The following TENM3 variants were observed in gnomAD, a reference collection of about 807,000 sequenced individuals.
The protein encoded by TENM3 is teneurin transmembrane protein 3.
Under a neutral mutation model 255.1 loss-of-function variants are expected in TENM3, and 63 were observed. That is an observed-to-expected ratio of 0.25 (90% CI 0.20 to 0.30). TENM3 has a LOEUF of 0.30. TENM3 is among the 10% of genes least tolerant of loss of function. The pLI is 1.00. For missense variants in TENM3, 2,929 were observed against 3,461.1 expected (o/e 0.85, Z 3.86); for synonymous variants, 1,306 against 1,322.3 (o/e 0.99, Z 0.27).
the TENM3 span, among the ~76,000 whole-genome samples, chr4:181,695,696 C>T: frequency 6.6e-6 from 1 of 152,114 alleles, no homozygotes; most frequent in African/African-American, 2.4e-5. Context: ...GAAAGTCTTC[C>T]AACTTCTAAG....
rs750652412 is a variant in TENM3 at position 182,324,194 on chromosome 4, T to C, written c.174T>C (p.Leu58=). The change falls in exon 2 of 28, where the codon CTT becomes CTC. Residue 58 remains leucine (L), a synonymous_variant. Coordinates refer to ENST00000511685, the MANE Select transcript of TENM3 (RefSeq NM_001080477.4). Reference sequence around the variant, plus strand: ...TTGATCATGATTCCTCGCGGCTGCTTTACGGCAACAGAGTGAAGGATTTGG... The same window carrying C: ...TTGATCATGATTCCTCGCGGCTGCTCTACGGCAACAGAGTGAAGGATTTGG... ...KAFDHDSSRL[L]YGNRVKDLVH... The C allele has an allele frequency of 1.2e-6, 2 of 1,613,968 alleles. No individual in the cohort carries two copies. Among genetic ancestry groups the C allele is most frequent in the African/African-American group, 2.7e-5 (2 of 75,028 alleles).
chr4:182,044,894 T>G, the TENM3 span, among the ~76,000 whole-genome samples: 20 of 152,286 alleles, frequency 1.3e-4, no homozygotes, highest in South Asian at 4.1e-3. Flanking sequence ...AGCTGATATA[T>G]CACTATCTAG....
chr4:182,746,342 T>G (rs1762010467), intron 19 of TENM3, among the ~76,000 whole-genome samples: 1 of 152,180 alleles, frequency 6.6e-6, no homozygotes. Flanking sequence ...AAATGAAGTC[T>G]GCTTAAATAG....
the TENM3 span, among the ~76,000 whole-genome samples, chr4:181,802,105 A>G: frequency 1.3e-5 from 2 of 152,154 alleles, no homozygotes; most frequent in African/African-American, 2.4e-5. Flanking sequence ...TTGTAAAATT[A>G]TGGCACAAAT....
chr4:182,459,745 G>A (rs892507726), intron 3 of TENM3, among the ~76,000 whole-genome samples: 11 of 151,864 alleles, frequency 7.2e-5, no homozygotes, highest in South Asian at 2.1e-4. Context: ...ATAAACACCC[G>A]ATTTATTCAA....
chr4:181,513,694 TA>T, the TENM3 span, among the ~76,000 whole-genome samples: 2 of 152,220 alleles, frequency 1.3e-5, no homozygotes, highest in Non-Finnish European at 2.9e-5. Flanking sequence ...ATGAGCTTTT[TA>T]TTGAAAAAGA....
the TENM3 span, among the ~76,000 whole-genome samples, chr4:181,664,569 C>T: frequency 6.6e-6 from 1 of 152,122 alleles, no homozygotes; most frequent in African/African-American, 2.4e-5. Context: ...AGAACGATAA[C>T]CCGACGTGTT....
At chr4:181,985,576 A>T in the TENM3 span, among the ~76,000 whole-genome samples, 1 of 152,130 alleles carries the variant, frequency 6.6e-6, no homozygotes, top group Non-Finnish European at 1.5e-5. Flanking sequence ...ACTGCCCACC[A>T]TTGTTTTAAT....
chr4:182,300,892 T>G (rs57517048), intron 1 of TENM3, among the ~76,000 whole-genome samples: 5,407 of 152,300 alleles, frequency 0.036, 323 homozygotes, highest in African/African-American at 0.12. Context: ...AATAATTGAC[T>G]TCATTTTGTG....
chr4:182,611,420 G>A (rs1454142043), intron 4 of TENM3, among the ~76,000 whole-genome samples: 1 of 151,320 alleles, frequency 6.6e-6, no homozygotes, highest in Non-Finnish European at 1.5e-5. Context: ...TTAAATATAA[G>A]TGAACTTTAT....
At chr4:181,485,729 C>T in the TENM3 span, among the ~76,000 whole-genome samples, 1 of 152,104 alleles carries the variant, frequency 6.6e-6, no homozygotes, top group Admixed American at 6.6e-5. Flanking sequence ...CCTAATATCA[C>T]AGTTGGTGAA....
intron 22 of TENM3, among the ~76,000 whole-genome samples, chr4:182,767,046 A>G (rs1763776155): frequency 6.6e-6 from 1 of 152,156 alleles, no homozygotes; most frequent in Non-Finnish European, 1.5e-5. Flanking sequence ...AGGTGGTGCC[A>G]TGATGTGGGC....
chr4:182,055,630 C>A, the TENM3 span, among the ~76,000 whole-genome samples: 1 of 152,126 alleles, frequency 6.6e-6, no homozygotes, highest in Non-Finnish European at 1.5e-5. Context: ...TAATTTCCTG[C>A]TCTCTTATTC....
At chr4:182,146,946 G>C (rs138624905) in intron 1 of TENM3, among the ~76,000 whole-genome samples, 2 of 152,076 alleles carry the variant, frequency 1.3e-5, no homozygotes, top group Non-Finnish European at 2.9e-5. Flanking sequence ...TTCTGTAGGC[G>C]TGTCATCAGT....
In TENM3 at chr4:182,609,324, C is replaced by T. The variant is rs188495111; in HGVS notation, c.749+8163C>T. ...TGGTTTCATCACCAATTAATATACA[C>T]CCTGTCAAAGATAATTGCATATCTT... On this transcript the variant is annotated intron_variant, in intron 4 of 27. Coordinates refer to ENST00000511685, the MANE Select transcript of TENM3 (RefSeq NM_001080477.4). Among the ~76,000 whole-genome samples, 339 of 152,282 alleles carry T rather than the reference C, an allele frequency of 2.2e-3. 3 individuals carry two copies. Among genetic ancestry groups the T allele is most frequent in the African/African-American group, 7.9e-3 (327 of 41,568 alleles).
rs1764582432 is a variant in TENM3 at position 182,775,185 on chromosome 4, G to A, written c.5304+32G>A. On this transcript the variant is annotated intron_variant, in intron 24 of 27. Transcript: ENST00000511685. Reference sequence around the variant, plus strand: ...ACGTGTTGTGGAGCAGGAGATAGCTGCAGCCCTCTGATCTGTGCAGATCAT... The same window carrying A: ...ACGTGTTGTGGAGCAGGAGATAGCTACAGCCCTCTGATCTGTGCAGATCAT... 2.5e-6 allele frequency: 4 copies of A among 1,593,366 alleles called. No homozygotes were observed. In the South Asian group the frequency reaches 3.3e-5, roughly 13 times the overall value.
At chr4:181,473,884 TATAA>T in the TENM3 span, among the ~76,000 whole-genome samples, 2 of 143,690 alleles carry the variant, frequency 1.4e-5, no homozygotes, top group Non-Finnish European at 3.0e-5. Context: ...ATACTGTATA[TATAA>T]ATATACTGTA....
intron 5 of TENM3, chr4:182,631,783 G>A (rs1321008158): frequency 1.3e-5 from 2 of 151,986 alleles, no homozygotes; most frequent in Non-Finnish European, 2.9e-5. Context: ...AAAAGCCTAA[G>A]ACATTAAAAA....
chr4:181,791,270 T>A, the TENM3 span, among the ~76,000 whole-genome samples: 5 of 152,228 alleles, frequency 3.3e-5, no homozygotes, highest in East Asian at 9.6e-4. Flanking sequence ...TTGCCACATT[T>A]ATATGATACA....
Sources: allele counts gnomAD v4.1 joint callset (sites outside exome capture counted in the v4.1 genomes callset), GRCh38; gene constraint gnomAD v4.1.1; transcripts MANE v1.5; gene names NCBI Gene and HGNC (gene_info 2026-07-23, HGNC 2026-07-21).